TRIM24: variants seen among roughly 807,000 people sequenced by gnomAD.
The protein encoded by TRIM24 is transcription intermediary factor 1-alpha.
TRIM24 carries 29 observed loss-of-function variants against 123.9 expected under a neutral mutation model. That is an observed-to-expected ratio of 0.23 (90% confidence interval 0.17 to 0.32). TRIM24 has a LOEUF of 0.32. TRIM24 is among the 10% of genes least tolerant of loss of function. The pLI is 1.00. For synonymous variants in TRIM24, 456 were observed against 461.1 expected, an observed-to-expected ratio of 0.99 and a Z score of 0.14; for missense variants, 932 against 1,295.3, an observed-to-expected ratio of 0.72 and a Z score of 4.31.
chr7:138,546,673 G>C (rs1428399669), intron 7 of TRIM24, among the ~76,000 whole-genome samples: 1 of 152,182 alleles, frequency 6.6e-6, no homozygotes, highest in Non-Finnish European at 1.5e-5. Context: ...TTAACACTCA[G>C]GGAATTTGGG....
chr7:138,463,043 G>GTTTTTTTTTTTTTTT (rs57719141), intron 1 of TRIM24, among the ~76,000 whole-genome samples: 4 of 60,136 alleles, frequency 6.7e-5, no homozygotes, highest in African/African-American at 1.5e-4. Flanking sequence ...CTAATTTTGT[G>GTTTTTTTTTTTTTTT]TTTTTTTTTT....
In TRIM24 at chr7:138,565,186, C is replaced by T. The variant is rs376443482; in HGVS notation, c.1531-2295C>T. On this transcript the variant is annotated intron_variant, in intron 9 of 18. Coordinates refer to ENST00000343526, the MANE Select transcript of TRIM24 (RefSeq NM_015905.3). ...CTCTTTCACATGCACTCACACACTT[C>T]CCCGCTCCCAGTTCCTCTTTCTCAA... Among the ~76,000 whole-genome samples, 5 of 152,272 alleles carry T rather than the reference C, an allele frequency of 3.3e-5. No individual in the cohort carries two copies. In the South Asian group the frequency reaches 1.0e-3, roughly 32 times the overall value.
intron 6 of TRIM24, among the ~76,000 whole-genome samples, chr7:138,534,950 A>T (rs1484887217): frequency 6.6e-6 from 1 of 152,122 alleles, no homozygotes; most frequent in Non-Finnish European, 1.5e-5. Context: ...TGTTGAATTG[A>T]TCCCTTTACC....
Position 138,471,262 on chromosome 7 carries a change from C to T in TRIM24, c.364+10350C>T, listed in dbSNP as rs114613381. 7.0e-3 allele frequency among the ~76,000 whole-genome samples: 1,071 copies of T among 152,148 alleles called. 13 individuals carry two copies. Among genetic ancestry groups the T allele is most frequent in the South Asian group, 0.042 (204 of 4,820 alleles). On this transcript the variant is annotated intron_variant, in intron 1 of 18. Transcript: ENST00000343526. ...TTGATTTTATTCCTTATATGTTTTA[C>T]GCTAATATGATTTATTATGTATAGG...
At chr7:138,494,736 A>G (rs1236027376) in intron 1 of TRIM24, among the ~76,000 whole-genome samples, 2 of 152,178 alleles carry the variant, frequency 1.3e-5, no homozygotes, top group East Asian at 3.9e-4. Flanking sequence ...GAAACTGGAT[A>G]TTGTTATACA....
intron 9 of TRIM24, among the ~76,000 whole-genome samples, chr7:138,561,738 T>G (rs561856567): frequency 6.6e-6 from 1 of 152,298 alleles, no homozygotes; most frequent in East Asian, 1.9e-4. Flanking sequence ...CATGGACATA[T>G]AGAAAGAAAG....
Position 138,515,145 on chromosome 7 carries a change from G to T in TRIM24, c.484-67G>T, listed in dbSNP as rs907117760. 3.0e-5 allele frequency: 45 copies of T among 1,517,160 alleles called. No individual in the cohort carries two copies. The African/African-American group carries it at 4.1e-4, about 14-fold the overall frequency. The allele number at this position is 1,517,160 out of a possible 1,614,324, so 94.0% of individuals were successfully genotyped here. On this transcript the variant is annotated intron_variant, in intron 2 of 18. Transcript: ENST00000343526. ...CTGGTACAATTGGTGTATCATGTAC[G>T]CATAGCTCGAGATAGGACCACCTTT...
chr7:138,476,967 A>G (rs1795416704), intron 1 of TRIM24, among the ~76,000 whole-genome samples: 1 of 152,212 alleles, frequency 6.6e-6, no homozygotes, highest in Non-Finnish European at 1.5e-5. Flanking sequence ...TGAAAAAGAT[A>G]TGAATACTGC....
intron 1 of TRIM24, among the ~76,000 whole-genome samples, chr7:138,462,516 A>G (rs1795019519): frequency 6.7e-6 from 1 of 150,210 alleles, no homozygotes; most frequent in Non-Finnish European, 1.5e-5. Context: ...AATTTTTTGT[A>G]TTTTTAGTAG....
At chr7:138,578,532 T>TTGTGTGTGTGTG (rs142839380) in intron 14 of TRIM24, among the ~76,000 whole-genome samples, 18 of 146,784 alleles carry the variant, frequency 1.2e-4, no homozygotes, top group African/African-American at 4.3e-4. Flanking sequence ...GGTGGTGGTT[T>TTGTGTGTGTGTG]TGTGTGTGTG....
rs186234694 is a variant in TRIM24 at position 138,560,954 on chromosome 7, T to C, written c.1530+5988T>C. Among the ~76,000 whole-genome samples the C allele has an allele frequency of 2.1e-3, 314 of 152,324 alleles. 3 individuals are homozygous for C. The highest frequency in any genetic ancestry group is 2.0e-3 in the Non-Finnish European group (138 of 68,024). ...TGCCTTTTGATGCCTTTGCAGTGCATAACAGCCACTTTCTTTGGGGCCTAT... is the reference window on the plus strand; with the variant it reads ...TGCCTTTTGATGCCTTTGCAGTGCACAACAGCCACTTTCTTTGGGGCCTAT... On this transcript the variant is annotated intron_variant, in intron 9 of 18. Transcript: ENST00000343526.
rs1420926623 is a variant in TRIM24, at chr7:138,551,195, T to G, written c.1261+15T>G. ...CATCAACTTAGGTGGGCCATTACCA[T>G]TACATACATTTCTCAGTGGCATTTG... On this transcript the variant is annotated intron_variant, in intron 8 of 18. Coordinates refer to ENST00000343526, the MANE Select transcript of TRIM24 (RefSeq NM_015905.3). 1.3e-6 allele frequency: 2 copies of G among 1,569,170 alleles called. No individual in the cohort carries two copies. Among genetic ancestry groups the G allele is most frequent in the Admixed American group, 3.3e-5 (2 of 59,884 alleles).
chr7:138,581,632 T>TA, intron 16 of TRIM24, 65 bp from the exon 17 acceptor site: 1 of 1,382,960 alleles, frequency 7.2e-7, no homozygotes, highest in Non-Finnish European at 1.0e-6. Flanking sequence ...GATTGTTATT[T>TA]AAAATAAGCT....
At chr7:138,564,498 TTTTC>T (rs1461232658) in intron 9 of TRIM24, among the ~76,000 whole-genome samples, 1 of 152,214 alleles carries the variant, frequency 6.6e-6, no homozygotes, top group Non-Finnish European at 1.5e-5. Context: ...TCCCATGACT[TTTTC>T]TTTGTCTCCG....
At chr7:138,494,045 G>A (rs978566912) in intron 1 of TRIM24, among the ~76,000 whole-genome samples, 3 of 151,928 alleles carry the variant, frequency 2.0e-5, no homozygotes, top group East Asian at 1.9e-4. Context: ...GCAATGGCGC[G>A]ATCTCAGCTC....
rs117301410 is a variant in TRIM24, at chr7:138,507,767, C to A, written c.483+3359C>A. ...CTGAGCGAATAAATGAATGAATGAACAAGAAAGAAAAGCAAGCAAGCTGGG... is the reference window on the plus strand; with the variant it reads ...CTGAGCGAATAAATGAATGAATGAAAAAGAAAGAAAAGCAAGCAAGCTGGG... On this transcript the variant is annotated intron_variant, in intron 2 of 18. Transcript: ENST00000343526. Among the ~76,000 whole-genome samples, 1,394 of 151,900 alleles carry A rather than the reference C, an allele frequency of 9.2e-3. 19 individuals are homozygous for A. Among genetic ancestry groups the A allele is most frequent in the South Asian group, 0.046 (223 of 4,812 alleles).
At chr7:138,526,766 A>G (rs990989520) in intron 5 of TRIM24, among the ~76,000 whole-genome samples, 1 of 152,152 alleles carries the variant, frequency 6.6e-6, no homozygotes, top group Non-Finnish European at 1.5e-5. Context: ...TATTTTCTTT[A>G]TTTACCATAT....
rs1798005328 is a variant in TRIM24 at position 138,585,803 on chromosome 7, G to C, written c.*852G>C. 1.9e-6 allele frequency: 1 copy of C among 520,618 alleles called. No individual in the cohort carries two copies. Among genetic ancestry groups the C allele is most frequent in the Non-Finnish European group, 3.8e-6 (1 of 261,004 alleles). The allele number at this position is 520,618 out of a possible 1,614,324, so 32.2% of individuals were successfully genotyped here. A position where few individuals can be genotyped will look rare whatever the true frequency, so the allele number is the denominator to read the frequency against. ...CTCATTGTTTGCAGTATAGCTTTTA[G>C]TGGAACTACCCAAAATATAAATACA... On this transcript the variant is annotated 3_prime_UTR_variant, in exon 19 of 19. Transcript: ENST00000343526.
At chr7:138,578,718 AG>A (rs1797826208) in intron 14 of TRIM24, among the ~76,000 whole-genome samples, 1 of 152,144 alleles carries the variant, frequency 6.6e-6, no homozygotes. Context: ...AGAAAAAGCT[AG>A]GTTTGAAAAT....
Sources: gnomAD v4.1 joint callset for allele counts (sites outside exome capture counted in the v4.1 genomes callset) on GRCh38, gnomAD v4.1.1 for gene constraint, MANE v1.5 for transcripts, NCBI Gene and HGNC (gene_info 2026-07-23, HGNC 2026-07-21) for gene names.